DIS3L2: variants seen among roughly 807,000 people sequenced by gnomAD.
DIS3L2 encodes the protein DIS3-like exonuclease 2.
Under a neutral mutation model 97.5 loss-of-function variants are expected in DIS3L2, and 34 were observed. The observed-to-expected ratio is 0.35, with a 90% CI of 0.27 to 0.46. DIS3L2 has a LOEUF of 0.46. Among genes scored for constraint, DIS3L2 ranks in the 20% least tolerant of loss-of-function variants. The pLI is 1.00. For missense variants in DIS3L2, 1,038 were observed against 1,146.0 expected, an observed-to-expected ratio of 0.91 and a Z score of 1.36; for synonymous variants, 435 against 445.2, an observed-to-expected ratio of 0.98 and a Z score of 0.29.
At chr2:232,270,824 C>T (rs760928138) in intron 13 of DIS3L2, among the ~76,000 whole-genome samples, 8 of 151,456 alleles carry the variant, frequency 5.3e-5, no homozygotes, top group South Asian at 4.2e-4. Flanking sequence ...TCTGCCTACA[C>T]GGAGCTCTGG....
intron 14 of DIS3L2, among the ~76,000 whole-genome samples, chr2:232,327,002 C>T (rs1324311875): frequency 1.3e-5 from 2 of 152,184 alleles, no homozygotes; most frequent in African/African-American, 4.8e-5. Context: ...CACAGCGGCC[C>T]CACCCTCTCC....
Position 232,276,624 on chromosome 2 carries a change from C to G in DIS3L2, c.1659+13184C>G, listed in dbSNP as rs1358902559. ...GCCCCAACTCTCAGCTCTCCTGTTG[C>G]TACCAGCTTCCAGTCAATGACTGTT... On this transcript the variant is annotated intron_variant, in intron 13 of 20. Transcript: ENST00000325385. The surrounding 1 kb of genome is among the most constrained non-coding windows in gnomAD (Gnocchi z 4.4). Among the ~76,000 whole-genome samples the G allele has an allele frequency of 6.6e-5, 10 of 152,352 alleles. No homozygotes were observed. The highest frequency in any genetic ancestry group is 2.6e-4 in the Admixed American group (4 of 15,304).
chr2:231,997,577 A>C (rs1356760792), intron 1 of DIS3L2, among the ~76,000 whole-genome samples: 6 of 152,232 alleles, frequency 3.9e-5, no homozygotes, highest in Admixed American at 3.3e-4. Context: ...CAAAATTGTC[A>C]GTTGTTGGGA....
At chr2:232,253,073 T>C (rs1693461281) in intron 12 of DIS3L2, among the ~76,000 whole-genome samples, 2 of 152,392 alleles carry the variant, frequency 1.3e-5, no homozygotes, top group Admixed American at 1.3e-4. Context: ...ATCAGTTCAC[T>C]TCACAACTCA....
At chr2:232,172,890 A>G in intron 9 of DIS3L2, 1 of 428,738 alleles carries the variant, frequency 2.3e-6, no homozygotes, top group South Asian at 1.8e-5. Context: ...ATGTATTTTG[A>G]TGTGCTTATT....
rs1199885376 is a variant in DIS3L2, at chr2:232,325,497, AC to A, written c.1740-4311del. On this transcript the variant is annotated intron_variant, in intron 14 of 20. Transcript: ENST00000325385. This position sits in a 1 kb window ranked among gnomAD's most constrained non-coding sequence, Gnocchi z 4.6. ...CTCATACCTGAGCCTCCCCCTCCCC[AC>A]CCCCTCCTGCCCCAGGGAGGCCCAG... 6.7e-6 allele frequency among the ~76,000 whole-genome samples: 1 copy of A among 150,100 alleles called. No individual in the cohort carries two copies. Among genetic ancestry groups the A allele is most frequent in the Admixed American group, 6.6e-5 (1 of 15,076 alleles).
At chr2:232,101,879 A>T (rs996893011) in intron 6 of DIS3L2, among the ~76,000 whole-genome samples, 1 of 152,238 alleles carries the variant, frequency 6.6e-6, no homozygotes. Context: ...TTCAATCAAG[A>T]ATCATTGCTG....
At chr2:232,136,095 G>A (rs192014193) in intron 7 of DIS3L2, among the ~76,000 whole-genome samples, 2 of 152,264 alleles carry the variant, frequency 1.3e-5, no homozygotes, top group Admixed American at 6.5e-5. Flanking sequence ...TTTGCAAAAA[G>A]CACCTACCGT....
chr2:232,144,943 G>A (rs1465188313), intron 8 of DIS3L2, among the ~76,000 whole-genome samples: 2 of 152,196 alleles, frequency 1.3e-5, no homozygotes, highest in African/African-American at 2.4e-5. Flanking sequence ...GGCACATAAT[G>A]TCAGTAAGTA....
rs766597912 is a variant in DIS3L2 at position 232,334,434 on chromosome 2, C to A, written c.2224C>A (p.Arg742Ser). 1.2e-6 allele frequency: 2 copies of A among 1,613,852 alleles called. No homozygotes were observed. Among genetic ancestry groups the A allele is most frequent in the Non-Finnish European group, 1.7e-6 (2 of 1,180,012 alleles). Residue 742 changes from arginine to serine, a missense_variant, in exon 18 of 21, where the codon CGC (arginine) becomes AGC (serine). This residue lies in a region of DIS3L2 where 221 missense variants were observed against 246.9 expected (regional missense o/e 0.90). Transcript: ENST00000325385. Reference protein sequence around the residue: ...LQKQADHCNDRRMASKRVQEL... With the variant: ...LQKQADHCNDSRMASKRVQEL... ...GAAACAGGCGGACCACTGTAACGAC[C>A]GCCGCATGGCGTCCAAGCGCGTGCA...
chr2:232,232,802 AG>A (rs1173067595), intron 10 of DIS3L2, among the ~76,000 whole-genome samples: 1 of 152,148 alleles, frequency 6.6e-6, no homozygotes, highest in Non-Finnish European at 1.5e-5. Flanking sequence ...CACAGAAATG[AG>A]GTTTGAATCC....
Position 232,054,941 on chromosome 2 carries a change from T to C in DIS3L2, c.366+24861T>C, listed in dbSNP as rs980089523. ...TAAGGTTTATTCCACTAATGTAAGATTGGAGGATTACTATTCAAAACTCAA... is the reference window on the plus strand; with the variant it reads ...TAAGGTTTATTCCACTAATGTAAGACTGGAGGATTACTATTCAAAACTCAA... On this transcript the variant is annotated intron_variant, in intron 5 of 20. Transcript: ENST00000325385. 2.2e-4 allele frequency among the ~76,000 whole-genome samples: 34 copies of C among 152,182 alleles called. 2 individuals are homozygous for C. Among genetic ancestry groups the C allele is most frequent in the Non-Finnish European group, 1.0e-4 (7 of 68,018 alleles).
intron 9 of DIS3L2, among the ~76,000 whole-genome samples, chr2:232,195,197 A>G (rs1216022430): frequency 6.6e-6 from 1 of 152,224 alleles, no homozygotes; most frequent in East Asian, 1.9e-4. Context: ...ACTCAATTTA[A>G]TAATAGAATC....
downstream of DIS3L2, among the ~76,000 whole-genome samples, chr2:232,339,371 A>C (rs954766591): frequency 4.6e-5 from 7 of 152,182 alleles, no homozygotes; most frequent in African/African-American, 7.2e-5. Context: ...CGCCGCCAGG[A>C]GGCAGGAAGT....
chr2:232,137,417 AGTGTTT>A (rs941427016), intron 8 of DIS3L2, among the ~76,000 whole-genome samples: 1 of 152,226 alleles, frequency 6.6e-6, no homozygotes, highest in Admixed American at 6.5e-5. Flanking sequence ...AGCTATGTTA[AGTGTTT>A]ATTATAGATG....
chr2:232,087,976 T>C (rs1696716076), intron 6 of DIS3L2: 4 of 439,854 alleles, frequency 9.1e-6, no homozygotes, highest in South Asian at 3.8e-5. Context: ...GCTGTGTTGC[T>C]GGTTAACGTT....
chr2:232,100,012 A>G (rs141323214), intron 6 of DIS3L2, among the ~76,000 whole-genome samples: 88 of 151,892 alleles, frequency 5.8e-4, no homozygotes, highest in African/African-American at 1.8e-3. Context: ...TCAAAGAACA[A>G]TTTTGGTTGT....
chr2:232,079,368 G>A (rs34192364), intron 5 of DIS3L2, among the ~76,000 whole-genome samples: 21,005 of 151,784 alleles, frequency 0.14, 1,889 homozygotes, highest in South Asian at 0.34. Context: ...AGGCTGAGGC[G>A]GGCAGATCAC....
intron 5 of DIS3L2, among the ~76,000 whole-genome samples, chr2:232,071,785 CA>C (rs1359354912): frequency 6.6e-6 from 1 of 152,158 alleles, no homozygotes; most frequent in East Asian, 1.9e-4. Flanking sequence ...AGCAGTCCTC[CA>C]CCTTGGCCTC....
Sources: allele counts gnomAD v4.1 joint callset (sites outside exome capture counted in the v4.1 genomes callset), GRCh38; gene constraint gnomAD v4.1.1; regional missense constraint gnomAD v4.1.1; non-coding constraint Gnocchi (gnomAD v3.1); transcripts MANE v1.5; gene names NCBI Gene and HGNC (gene_info 2026-07-23, HGNC 2026-07-21).